IRX3: variants seen among roughly 807,000 people sequenced by gnomAD.
IRX3 encodes iroquois homeobox 3.
IRX3 carries 20 observed loss-of-function variants against 36.4 expected under a neutral mutation model. The ratio of observed to expected loss-of-function variants is 0.55; its 90% CI spans 0.39 to 0.80. IRX3 has a LOEUF of 0.80. IRX3 is among the 30% of genes least tolerant of loss of function. The pLI, the probability that IRX3 is intolerant of heterozygous loss-of-function variation, is 0.00. For missense variants in IRX3, 718 were observed against 733.2 expected, an observed-to-expected ratio of 0.98 and a Z score of 0.24; for synonymous variants, 404 against 351.6, an observed-to-expected ratio of 1.15 and a Z score of -1.67.
In IRX3 at chr16:54,285,874, C is replaced by T; in HGVS notation, c.177G>A (p.Ala59=). ...LSNVLSSVYG[A]PYAAAAAAAA... ...CGGCCGCAGCGGCCGCGGCGTAGGG[C>T]GCCCCGTACACGGACGAGAGCACGT... is the stretch of plus-strand genomic sequence containing the variant. The change falls in exon 1 of 4, where the codon GCG becomes GCA. Residue 59 remains alanine (A), a synonymous_variant. Transcript: ENST00000329734. The surrounding 1 kb of genome is among the most constrained non-coding windows in gnomAD (Gnocchi z 5.7). The T allele has an allele frequency of 6.5e-7, 1 of 1,540,464 alleles. No homozygotes were observed. Among genetic ancestry groups the T allele is most frequent in the Non-Finnish European group, 8.7e-7 (1 of 1,144,828 alleles).
rs765871788 is a variant in IRX3, at chr16:54,285,636, G to C, written c.268-23C>G. 6 of 1,490,964 alleles carry C rather than the reference G, an allele frequency of 4.0e-6. No individual in the cohort carries two copies. The highest frequency in any genetic ancestry group is 4.5e-6 in the Non-Finnish European group (5 of 1,120,180). The allele number at this position is 1,490,964 out of a possible 1,614,324, so 92.4% of individuals were successfully genotyped here. On this transcript the variant is annotated intron_variant, in intron 1 of 3. Transcript: ENST00000329734. This position sits in a 1 kb window ranked among gnomAD's most constrained non-coding sequence, Gnocchi z 5.7. ...GCCCTGTACGCACATGGAGAAGGAAGGGACACGCGCGGAGGGAGCGCGAGT... is the reference window on the plus strand; with the variant it reads ...GCCCTGTACGCACATGGAGAAGGAACGGACACGCGCGGAGGGAGCGCGAGT...
In IRX3 at chr16:54,283,864, GT is replaced by G; in HGVS notation, c.1452-125del. On this transcript the variant is annotated intron_variant, in intron 3 of 3. Transcript: ENST00000329734. This position sits in a 1 kb window ranked among gnomAD's most constrained non-coding sequence, Gnocchi z 4.4. The stretch of plus-strand genomic sequence containing the variant: ...GGAAGGTGTCGCAATGTAAAATTAT[GT>G]CCAGTTGTAGATGTGTGTGTTGGGG... The G allele has an allele frequency of 6.5e-7, 1 of 1,538,452 alleles. No homozygotes were observed. Among genetic ancestry groups the G allele is most frequent in the Admixed American group, 2.1e-5 (1 of 47,890 alleles).
In IRX3 at chr16:54,285,176, C is replaced by CTCA. The variant is rs766657567; in HGVS notation, c.704_705insTGA (p.Glu238dup). 4.4e-6 allele frequency: 7 copies of CTCA among 1,603,006 alleles called. No individual in the cohort carries two copies. The East Asian group carries it at 1.6e-4, about 36-fold the overall frequency. ...CCTCGCCCCCCGTGTCCTCCTCCTC[C>CTCA]CCCCCGAGCTCCTCCTCCTCCAGCT... On this transcript the variant is annotated inframe_insertion, in exon 2 of 4. Transcript: ENST00000329734. The surrounding 1 kb of genome is among the most constrained non-coding windows in gnomAD (Gnocchi z 5.7).
At position 54,285,140 on chromosome 16, in the gene IRX3, G is replaced by A. The variant is rs765367373; in HGVS notation, c.741C>T (p.Asp247=). 3.7e-6 allele frequency: 6 copies of A among 1,611,412 alleles called. No individual in the cohort carries two copies. In the South Asian group the frequency reaches 5.5e-5, roughly 15 times the overall value. The change falls in exon 2 of 4, where the codon GAC becomes GAT. Residue 247 remains aspartate (D), a synonymous_variant. Coordinates refer to ENST00000329734, the MANE Select transcript of IRX3 (RefSeq NM_024336.3). This position sits in a 1 kb window ranked among gnomAD's most constrained non-coding sequence, Gnocchi z 5.7. The part of the protein sequence containing the change: ...EEDTGGEGLA[D]DDEDEEIDLE... ...AATCGATCTCCTCGTCCTCGTCGTC[G>A]TCAGCCAGGCCCTCGCCCCCCGTGT...
Position 54,284,675 on chromosome 16 carries a change from C to A in IRX3, c.1206G>T (p.Leu402=). The A allele has an allele frequency of 7.1e-7, 1 of 1,401,178 alleles. No individual in the cohort carries two copies. Among genetic ancestry groups the A allele is most frequent in the Non-Finnish European group, 9.2e-7 (1 of 1,091,126 alleles). 86.8% of individuals were successfully genotyped at this position (1,401,178 alleles called of 1,614,324 possible). ...AAAHRLVSAP[L]GKFPAWTNRP... is the part of the protein sequence containing the mutation. ...GGTTGGTCCAAGCCGGGAACTTGCCCAGCGGCGCTGAGACCAGTCTGTGAG... is the reference window on the plus strand; with the variant it reads ...GGTTGGTCCAAGCCGGGAACTTGCCAAGCGGCGCTGAGACCAGTCTGTGAG... The change falls in exon 2 of 4, where the codon CTG becomes CTT. Residue 402 remains leucine (L), a synonymous_variant. Coordinates refer to ENST00000329734, the MANE Select transcript of IRX3 (RefSeq NM_024336.3). This position sits in a 1 kb window ranked among gnomAD's most constrained non-coding sequence, Gnocchi z 4.0.
rs764893242 is a variant in IRX3 at position 54,284,865 on chromosome 16, G to A, written c.1016C>T (p.Ala339Val). The A allele has an allele frequency of 2.7e-5, 42 of 1,547,114 alleles. No individual in the cohort carries two copies. The highest frequency in any genetic ancestry group is 1.7e-4 in the Middle Eastern group (1 of 5,764). Residue 339 changes from alanine (A) to valine (V), a missense_variant, in exon 2 of 4, where the codon GCC (alanine) becomes GTC (valine). Ala to Val is a moderately conservative substitution (Grantham distance 64). Coordinates refer to ENST00000329734, the MANE Select transcript of IRX3 (RefSeq NM_024336.3). This position sits in a 1 kb window ranked among gnomAD's most constrained non-coding sequence, Gnocchi z 4.0. ...VSLDPCAPAP[A>V]PASALQKPKI... ...GGGCTTCTGCAGGGCGGAGGCGGGG[G>A]CTGGTGCGGGAGCGCAGGGGTCCAG...
At position 54,285,936 on chromosome 16, in the gene IRX3, C is replaced by G. The variant is rs1216826640; in HGVS notation, c.115G>C (p.Gly39Arg). The change falls in exon 1 of 4, where the codon GGA (glycine) becomes CGA (arginine). Residue 39 changes from glycine to arginine, a missense_variant. Around this residue, in one of 3 missense-constraint regions of IRX3, gnomAD observed 204 missense variants for 181.4 expected, o/e 1.12. Transcript: ENST00000329734. This position sits in a 1 kb window ranked among gnomAD's most constrained non-coding sequence, Gnocchi z 5.7. ...CCCGAGGCGTTCAGCTCCGAGGCTCCGGCACCCAGGCCGCCCCGGGCCCCC... is the reference window on the plus strand; with the variant it reads ...CCCGAGGCGTTCAGCTCCGAGGCTCGGGCACCCAGGCCGCCCCGGGCCCCC... ...SAGARGGLGA[G>R]ASELNASGSL... 4 of 1,469,146 alleles carry G rather than the reference C, an allele frequency of 2.7e-6. No individual in the cohort carries two copies. The allele number at this position is 1,469,146 out of a possible 1,614,324, so 91.0% of individuals were successfully genotyped here.
chr16:54,285,755 C>T lies in IRX3; in HGVS notation c.267+29G>A. ...CTCGCCCTGCGCCCCAGCGCCAACC[C>T]CTCCTTCCCTGGCTCCGCGGGCTCT... is the stretch of plus-strand genomic sequence containing the variant. On this transcript the variant is annotated intron_variant, in intron 1 of 3. Coordinates refer to ENST00000329734, the MANE Select transcript of IRX3 (RefSeq NM_024336.3). This position sits in a 1 kb window ranked among gnomAD's most constrained non-coding sequence, Gnocchi z 5.7. 3 of 1,507,648 alleles carry T rather than the reference C, an allele frequency of 2.0e-6. No homozygotes were observed. Among genetic ancestry groups the T allele is most frequent in the Non-Finnish European group, 2.6e-6 (3 of 1,137,320 alleles). 93.4% of individuals were successfully genotyped at this position (1,507,648 alleles called of 1,614,324 possible). A position where few individuals can be genotyped will look rare whatever the true frequency, so the allele number is the denominator to read the frequency against.
Position 54,284,881 on chromosome 16 carries a change from A to G in IRX3, c.1000T>C (p.Cys334Arg). ...LPSPPVSLDP[C>R]APAPAPASAL... ...GAGGCGGGGGCTGGTGCGGGAGCGC[A>G]GGGGTCCAGGCTCACGGGGGGCGAC... Residue 334 changes from cysteine to arginine, a missense_variant, in exon 2 of 4, where the codon TGC becomes CGC. This residue lies in a region of IRX3 where 468 missense variants were observed against 462.1 expected (regional missense o/e 1.01). Coordinates refer to ENST00000329734, the MANE Select transcript of IRX3 (RefSeq NM_024336.3). This position sits in a 1 kb window ranked among gnomAD's most constrained non-coding sequence, Gnocchi z 4.0. 3.2e-6 allele frequency: 5 copies of G among 1,556,662 alleles called. No individual in the cohort carries two copies. Among genetic ancestry groups the G allele is most frequent in the Admixed American group, 2.0e-5 (1 of 49,798 alleles).
Position 54,284,095 on chromosome 16 carries a change from G to A in IRX3, c.1451+151C>T. ...GAGCTGTCGCAGGGCCGACAGGGGC[G>A]ACTGAAAAAGTGACTTTCGTCCCCT... On this transcript the variant is annotated intron_variant, in intron 3 of 3. Transcript: ENST00000329734. This position sits in a 1 kb window ranked among gnomAD's most constrained non-coding sequence, Gnocchi z 4.0. 3 of 1,117,570 alleles carry A rather than the reference G, an allele frequency of 2.7e-6. No individual in the cohort carries two copies. The South Asian group carries it at 4.8e-5, about 18-fold the overall frequency. 69.2% of individuals were successfully genotyped at this position (1,117,570 alleles called of 1,614,324 possible). A position where few individuals can be genotyped will look rare whatever the true frequency, so the allele number is the denominator to read the frequency against.
rs1312691315 is a variant in IRX3, at chr16:54,284,524, G to C, written c.1357C>G (p.Arg453Gly). The C allele has an allele frequency of 7.1e-7, 1 of 1,413,296 alleles. No individual in the cohort carries two copies. The highest frequency in any genetic ancestry group is 3.0e-5 in the East Asian group (1 of 32,982). The allele number at this position is 1,413,296 out of a possible 1,614,324, so 87.5% of individuals were successfully genotyped here. A position where few individuals can be genotyped will look rare whatever the true frequency, so the allele number is the denominator to read the frequency against. Residue 453 changes from arginine to glycine, a missense_variant, in exon 2 of 4, where the codon CGG becomes GGG. This residue lies in a region of IRX3 where 468 missense variants were observed against 462.1 expected (regional missense o/e 1.01). Coordinates refer to ENST00000329734, the MANE Select transcript of IRX3 (RefSeq NM_024336.3). This position sits in a 1 kb window ranked among gnomAD's most constrained non-coding sequence, Gnocchi z 4.0. ...GHPAAAAAFARPAEPEGGTDR... is the reference protein window; with the variant it reads ...GHPAAAAAFAGPAEPEGGTDR... ...GTTCCGCCTTCGGGCTCCGCTGGCC[G>C]AGCGAAGGCGGCGGCGGCAGCCGGG...
In IRX3 at chr16:54,284,783, A is replaced by G; in HGVS notation, c.1098T>C (p.Pro366=). The part of the protein sequence containing the change: ...ATSPDNPRRS[P]PGAGGSPPGA... The stretch of plus-strand genomic sequence containing the variant: ...CCGGTGGAGACCCCCCCGCGCCGGG[A>G]GGCGAGCGGCGCGGGTTGTCCGGGC... Residue 366 remains proline, a synonymous_variant, in exon 2 of 4, where the codon CCT becomes CCC. Transcript: ENST00000329734. This position sits in a 1 kb window ranked among gnomAD's most constrained non-coding sequence, Gnocchi z 4.0. 1 of 1,461,596 alleles carries G rather than the reference A, an allele frequency of 6.8e-7. No individual in the cohort carries two copies. Among genetic ancestry groups the G allele is most frequent in the African/African-American group, 1.5e-5 (1 of 67,374 alleles). The allele number at this position is 1,461,596 out of a possible 1,614,324, so 90.5% of individuals were successfully genotyped here.
In IRX3 at chr16:54,284,342, G is replaced by A; in HGVS notation, c.1385-30C>T. On this transcript the variant is annotated intron_variant, in intron 2 of 3. Coordinates refer to ENST00000329734, the MANE Select transcript of IRX3 (RefSeq NM_024336.3). The surrounding 1 kb of genome is among the most constrained non-coding windows in gnomAD (Gnocchi z 4.0). Reference sequence around the variant, plus strand: ...GGGAAGCGGGGGAAGAAAAAGGAGGGCCTTTAGAGCGCTCGGTGCCGGCGC... The same window carrying A: ...GGGAAGCGGGGGAAGAAAAAGGAGGACCTTTAGAGCGCTCGGTGCCGGCGC... The A allele has an allele frequency of 6.3e-7, 1 of 1,587,684 alleles. No homozygotes were observed. Among genetic ancestry groups the A allele is most frequent in the East Asian group, 2.3e-5 (1 of 42,860 alleles).
In IRX3 at chr16:54,284,505, C is replaced by T; in HGVS notation, c.1376G>A (p.Gly459Asp). 1 of 1,404,418 alleles carries T rather than the reference C, an allele frequency of 7.1e-7. No homozygotes were observed. Among genetic ancestry groups the T allele is most frequent in the Non-Finnish European group, 9.2e-7 (1 of 1,091,586 alleles). The allele number at this position is 1,404,418 out of a possible 1,614,324, so 87.0% of individuals were successfully genotyped here. ...CAGCGCTCAGCAGTCACCTGTTCCG[C>T]CTTCGGGCTCCGCTGGCCGAGCGAA... ...AAFARPAEPE[G>D]GTDRCSALEV... Residue 459 changes from glycine (G) to aspartate (D), a missense_variant, in exon 2 of 4, where the codon GGC (glycine) becomes GAC (aspartate). Physicochemically the swap from Gly to Asp is moderately conservative, Grantham distance 94. Around this residue, in one of 3 missense-constraint regions of IRX3, gnomAD observed 468 missense variants for 462.1 expected, o/e 1.01. Transcript: ENST00000329734. This position sits in a 1 kb window ranked among gnomAD's most constrained non-coding sequence, Gnocchi z 4.0.
chr16:54,283,774 G>A lies in IRX3; in HGVS notation c.1452-34C>T. The A allele has an allele frequency of 6.2e-7, 1 of 1,609,820 alleles. No individual in the cohort carries two copies. Among genetic ancestry groups the A allele is most frequent in the Non-Finnish European group, 8.5e-7 (1 of 1,178,410 alleles). Reference sequence around the variant, plus strand: ...GAGAGACAGTAGTAGCAAAAGAGGTGAGATTCAGGAGCGCAGAGGCTGCCT... The same window carrying A: ...GAGAGACAGTAGTAGCAAAAGAGGTAAGATTCAGGAGCGCAGAGGCTGCCT... On this transcript the variant is annotated intron_variant, in intron 3 of 3. Coordinates refer to ENST00000329734, the MANE Select transcript of IRX3 (RefSeq NM_024336.3). This position sits in a 1 kb window ranked among gnomAD's most constrained non-coding sequence, Gnocchi z 4.4.
Position 54,284,698 on chromosome 16 carries a change from G to A in IRX3, c.1183C>T (p.His395Tyr). 7.0e-7 allele frequency: 1 copy of A among 1,424,098 alleles called. No homozygotes were observed. Among genetic ancestry groups the A allele is most frequent in the Middle Eastern group, 2.3e-4 (1 of 4,374 alleles). The allele number at this position is 1,424,098 out of a possible 1,614,324, so 88.2% of individuals were successfully genotyped here. A position where few individuals can be genotyped will look rare whatever the true frequency, so the allele number is the denominator to read the frequency against. The change falls in exon 2 of 4, where the codon CAC becomes TAC. Residue 395 changes from histidine (H) to tyrosine (Y), a missense_variant. By Grantham distance (83) the His-to-Tyr change is moderately conservative. Coordinates refer to ENST00000329734, the MANE Select transcript of IRX3 (RefSeq NM_024336.3). The surrounding 1 kb of genome is among the most constrained non-coding windows in gnomAD (Gnocchi z 4.0). The part of the protein sequence containing the change: ...LSPAAAAAAA[H>Y]RLVSAPLGKF... Reference sequence around the variant, plus strand: ...CCCAGCGGCGCTGAGACCAGTCTGTGAGCGGCGGCGGCGGCGGCGGCCGGA... The same window carrying A: ...CCCAGCGGCGCTGAGACCAGTCTGTAAGCGGCGGCGGCGGCGGCGGCCGGA...
chr16:54,284,410 G>A lies in IRX3; in HGVS notation c.1384+87C>T. The stretch of plus-strand genomic sequence containing the variant: ...AGGAGTGGAGAGGGACGCGCGCCCT[G>A]CGCCCCCCGGGCCCTGCCCCTCCCG... On this transcript the variant is annotated intron_variant, in intron 2 of 3. Transcript: ENST00000329734. This position sits in a 1 kb window ranked among gnomAD's most constrained non-coding sequence, Gnocchi z 4.0. 6.9e-7 allele frequency: 1 copy of A among 1,441,746 alleles called. No individual in the cohort carries two copies. Among genetic ancestry groups the A allele is most frequent in the East Asian group, 2.8e-5 (1 of 35,154 alleles). 89.3% of individuals were successfully genotyped at this position (1,441,746 alleles called of 1,614,324 possible).
At position 54,285,120 on chromosome 16, in the gene IRX3, A is replaced by G. The variant is rs1243221766; in HGVS notation, c.761T>C (p.Ile254Thr). The G allele has an allele frequency of 1.9e-6, 3 of 1,612,332 alleles. No homozygotes were observed. Among genetic ancestry groups the G allele is most frequent in the African/African-American group, 1.3e-5 (1 of 74,450 alleles). Residue 254 changes from isoleucine to threonine, a missense_variant, in exon 2 of 4, where the codon ATC becomes ACC. Coordinates refer to ENST00000329734, the MANE Select transcript of IRX3 (RefSeq NM_024336.3). The surrounding 1 kb of genome is among the most constrained non-coding windows in gnomAD (Gnocchi z 5.7). ...GLADDDEDEE[I>T]DLENLDGAAT... ...CGCGCCGTCTAAGTTCTCCAAATCG[A>G]TCTCCTCGTCCTCGTCGTCGTCAGC...
In IRX3 at chr16:54,286,272, G is replaced by C. The variant is rs1368424038; in HGVS notation, c.-222C>G. ...AGCCAGGTCAGGTCCGAACAGATTG[G>C]CGGAGATTCCCGGGGCTCCGGGCTC... On this transcript the variant is annotated 5_prime_UTR_variant, in exon 1 of 4. Transcript: ENST00000329734. The C allele has an allele frequency of 4.5e-5, 45 of 1,002,984 alleles. No homozygotes were observed. Among genetic ancestry groups the C allele is most frequent in the Non-Finnish European group, 5.2e-5 (44 of 842,014 alleles). 62.1% of individuals were successfully genotyped at this position (1,002,984 alleles called of 1,614,324 possible).
Sources: allele counts gnomAD v4.1 joint callset, GRCh38; gene constraint gnomAD v4.1.1; regional missense constraint gnomAD v4.1.1; non-coding constraint Gnocchi (gnomAD v3.1); transcripts MANE v1.5; gene names NCBI Gene and HGNC (gene_info 2026-07-23, HGNC 2026-07-21).